The following COG1 variants were observed in gnomAD, a reference collection of about 807,000 sequenced individuals.
COG1 encodes component of oligomeric golgi complex 1, also known as conserved oligomeric Golgi complex subunit 1.
Under a neutral mutation model 102.2 loss-of-function variants are expected in COG1, and 61 were observed. The observed-to-expected ratio is 0.60, with a 90% CI of 0.49 to 0.74. The LOEUF is 0.74. Ranked by LOEUF, COG1 falls within the 30% of genes least tolerant of loss-of-function variation. The pLI is 0.00. For synonymous variants in COG1, 454 were observed against 493.6 expected, an observed-to-expected ratio of 0.92 and a Z score of 1.06; for missense variants, 1,164 against 1,232.1, an observed-to-expected ratio of 0.94 and a Z score of 0.83.
In COG1 at chr17:73,203,009, C is replaced by A; in HGVS notation, c.2083C>A (p.His695Asn). ...WSSAVVKVLI[H>N]GFTQSLLLDD... The stretch of plus-strand genomic sequence containing the variant: ...TGCCTTTTATTACCAGGTTTTGATT[C>A]ATGGATTCACCCAGTCATTACTTCT... Residue 695 changes from histidine to asparagine, a missense_variant, in exon 8 of 14, where the codon CAT (histidine) becomes AAT (asparagine). Physicochemically the swap from His to Asn is moderately conservative, Grantham distance 68. Transcript: ENST00000299886. The A allele has an allele frequency of 6.2e-7, 1 of 1,614,072 alleles. No individual in the cohort carries two copies. Among genetic ancestry groups the A allele is most frequent in the Admixed American group, 1.7e-5 (1 of 60,012 alleles).
Position 73,193,122 on chromosome 17 carries a change from C to T in COG1, c.53C>T (p.Pro18Leu). ...PALKRLDLRDPAALFETHGAE... is the reference protein window; with the variant it reads ...PALKRLDLRDLAALFETHGAE... The stretch of plus-strand genomic sequence containing the variant: ...CTGAAGCGGCTGGATCTGCGCGACC[C>T]TGCGGCTCTTTTCGAGACGCATGGA... The change falls in exon 1 of 14, where the codon CCT (proline) becomes CTT (leucine). Residue 18 changes from proline to leucine, a missense_variant. Transcript: ENST00000299886. The T allele has an allele frequency of 1.9e-6, 3 of 1,611,782 alleles. No individual in the cohort carries two copies. The highest frequency in any genetic ancestry group is 2.5e-6 in the Non-Finnish European group (3 of 1,179,514).
At chr17:73,200,985 A>C (rs2061344582) in intron 6 of COG1, 124 bp from the exon 7 acceptor site, 3 of 1,001,680 alleles carry the variant, frequency 3.0e-6, no homozygotes, top group Non-Finnish European at 4.6e-6. Context: ...CTCTGCCAAC[A>C]CCATGCCATC....
chr17:73,193,443 G>A, intron 1 of COG1, 59 bp downstream of exon 1: 1 of 1,376,190 alleles, frequency 7.3e-7, no homozygotes, highest in Non-Finnish European at 9.3e-7. Context: ...CCCTGGCCTT[G>A]CAGGTCAACC....
At chr17:73,200,323 A>G (rs1292867770) in intron 5 of COG1, among the ~76,000 whole-genome samples, 1 of 152,208 alleles carries the variant, frequency 6.6e-6, no homozygotes, top group East Asian at 1.9e-4. Context: ...GCCATTCCGC[A>G]GGGTCCAGAC....
At position 73,208,454 on chromosome 17, in the gene COG1, T is replaced by C. The variant is rs755132948; in HGVS notation, c.*3T>C. 6.2e-7 allele frequency: 1 copy of C among 1,614,016 alleles called. No individual in the cohort carries two copies. The highest frequency in any genetic ancestry group is 1.7e-5 in the Admixed American group (1 of 60,026). ...GGCTCTCTAGTATGACTAAGTAACA[T>C]GGCAACACATCTGTCTCTCCCTAAA... On this transcript the variant is annotated 3_prime_UTR_variant, in exon 14 of 14. Coordinates refer to ENST00000299886, the MANE Select transcript of COG1 (RefSeq NM_018714.3).
At chr17:73,203,475 G>A in intron 8 of COG1, 157 bp from the exon 9 acceptor site, 1 of 892,900 alleles carries the variant, frequency 1.1e-6, no homozygotes, top group Admixed American at 2.1e-5. Context: ...ACTTAACCAG[G>A]GGCCTTGTGT....
chr17:73,193,282 C>G lies in COG1; in HGVS notation c.213C>G (p.Arg71=), dbSNP rs1430025607. The change falls in exon 1 of 14, where the codon CGC becomes CGG. Residue 71 remains arginine (R), a synonymous_variant. Coordinates refer to ENST00000299886, the MANE Select transcript of COG1 (RefSeq NM_018714.3). ...EAADTIGQMR[R]CAVGLVDAVK... Reference sequence around the variant, plus strand: ...CCGACACCATCGGCCAGATGCGCCGCTGCGCCGTGGGGCTAGTGGACGCCG... The same window carrying G: ...CCGACACCATCGGCCAGATGCGCCGGTGCGCCGTGGGGCTAGTGGACGCCG... The G allele has an allele frequency of 1.2e-6, 2 of 1,602,534 alleles. No homozygotes were observed. Among genetic ancestry groups the G allele is most frequent in the Non-Finnish European group, 1.7e-6 (2 of 1,175,894 alleles).
chr17:73,203,353 T>C (rs1462546755), intron 8 of COG1: 2 of 752,776 alleles, frequency 2.7e-6, no homozygotes, highest in East Asian at 2.7e-5. Context: ...TTTTGTAGCA[T>C]AGGCTCTGTG....
Position 73,201,453 on chromosome 17 carries a change from A to G in COG1, c.1626A>G (p.Ser542=). 1 of 1,614,246 alleles carries G rather than the reference A, an allele frequency of 6.2e-7. No homozygotes were observed. Among genetic ancestry groups the G allele is most frequent in the South Asian group, 1.1e-5 (1 of 91,090 alleles). Residue 542 remains serine, a synonymous_variant, in exon 7 of 14, where the codon TCA becomes TCG. Transcript: ENST00000299886. The part of the protein sequence containing the change: ...LLAYLPSDDS[S]LPKDVSPTQA... ...CTTACCTCCCCTCTGATGACTCATCACTGCCCAAGGACGTTTCTCCCACAC... is the reference window on the plus strand; with the variant it reads ...CTTACCTCCCCTCTGATGACTCATCGCTGCCCAAGGACGTTTCTCCCACAC...
intron 13 of COG1, 95 bp from the exon 14 acceptor site, chr17:73,208,219 G>T: frequency 6.2e-7 from 1 of 1,601,632 alleles, no homozygotes. Context: ...CCGCTTGTGT[G>T]TGCCGTGTGG....
intron 1 of COG1, among the ~76,000 whole-genome samples, chr17:73,196,298 CGT>C (rs1308780724): frequency 6.6e-6 from 1 of 152,132 alleles, no homozygotes; most frequent in Non-Finnish European, 1.5e-5. Context: ...AAAATGCACG[CGT>C]GTGTAGGAAA....
intron 8 of COG1, 185 bp downstream of exon 8, chr17:73,203,331 AC>A: frequency 1.2e-6 from 1 of 810,730 alleles, no homozygotes; most frequent in Non-Finnish European, 2.0e-6. Flanking sequence ...AAGTCAGTTA[AC>A]CATTCTTTCC....
chr17:73,198,205 T>A (rs1350085361), intron 4 of COG1, among the ~76,000 whole-genome samples: 1 of 151,908 alleles, frequency 6.6e-6, no homozygotes, highest in Non-Finnish European at 1.5e-5. Context: ...CGGACGTCTG[T>A]TTAGGAGGAG....
chr17:73,194,224 C>T (rs1161446237), intron 1 of COG1, among the ~76,000 whole-genome samples: 2 of 147,994 alleles, frequency 1.4e-5, no homozygotes, highest in Non-Finnish European at 3.0e-5. Context: ...GGGTGGATCA[C>T]GAGGTCAGGA....
Position 73,207,265 on chromosome 17 carries a change from C to G in COG1, c.2805+9C>G. The G allele has an allele frequency of 6.2e-7, 1 of 1,613,778 alleles. No individual in the cohort carries two copies. Among genetic ancestry groups the G allele is most frequent in the Non-Finnish European group, 8.5e-7 (1 of 1,179,840 alleles). On this transcript the variant is annotated intron_variant, in intron 13 of 13. Coordinates refer to ENST00000299886, the MANE Select transcript of COG1 (RefSeq NM_018714.3). ...TCGAAACAAAAGCTCAGGTTGGTGC[C>G]AAGAGCAAGAGGCTCATCCGTGGAT...
intron 9 of COG1, 44 bp from the exon 10 acceptor site, chr17:73,205,509 A>G (rs764277454): frequency 1.2e-6 from 2 of 1,610,938 alleles, no homozygotes; most frequent in East Asian, 4.5e-5. Context: ...CTCACATACC[A>G]AGTCCTCTCT....
In COG1 at chr17:73,203,141, GCA is replaced by G. The variant is rs1345315226; in HGVS notation, c.2218_2219del (p.Gln740AlafsTer11). 1 of 1,614,146 alleles carries G rather than the reference GCA, an allele frequency of 6.2e-7. No individual in the cohort carries two copies. The highest frequency in any genetic ancestry group is 1.7e-5 in the Admixed American group (1 of 60,022). On this transcript the variant is annotated frameshift_variant, in exon 8 of 14. Transcript: ENST00000299886. LOFTEE classifies it high-confidence loss of function. Reference protein sequence around the residue: ...SSVTSKIRLPAQPSWYVQSFL... With the variant: ...SSVTSKIRLPXQPSWYVQSFL... The stretch of plus-strand genomic sequence containing the variant: ...TGTCACATCCAAGATCCGACTCCCT[GCA>G]CAGGTGAGCAGGGACCATGGGCTGA...
In COG1 at chr17:73,202,725, C is replaced by T. The variant is rs368435757; in HGVS notation, c.2074-275C>T. Among the ~76,000 whole-genome samples, 28 of 152,214 alleles carry T rather than the reference C, an allele frequency of 1.8e-4. 2 individuals are homozygous for T. The South Asian group carries it at 5.6e-3, about 30-fold the overall frequency. The stretch of plus-strand genomic sequence containing the variant: ...ATTGCCTGAGCCTAGGAGGTCGAGG[C>T]TGCAGTGAGCTGTGATTGTGCCACT... On this transcript the variant is annotated intron_variant, in intron 7 of 13. Coordinates refer to ENST00000299886, the MANE Select transcript of COG1 (RefSeq NM_018714.3).
chr17:73,203,096 G>A lies in COG1; in HGVS notation c.2170G>A (p.Glu724Lys), dbSNP rs1196985972. Residue 724 changes from glutamate (E) to lysine (K), a missense_variant, in exon 8 of 14, where the codon GAG becomes AAG. Glu to Lys is a moderately conservative substitution (Grantham distance 56). Coordinates refer to ENST00000299886, the MANE Select transcript of COG1 (RefSeq NM_018714.3). Reference sequence around the variant, plus strand: ...CTGGGATGAGCTAGAAATTCAGGAGGAGGCAGAGTCTGGCAGCAGTGTCAC... The same window carrying A: ...CTGGGATGAGCTAGAAATTCAGGAGAAGGCAGAGTCTGGCAGCAGTGTCAC... ...TSWDELEIQEEAESGSSVTSK... is the reference protein window; with the variant it reads ...TSWDELEIQEKAESGSSVTSK... The A allele has an allele frequency of 6.2e-7, 1 of 1,614,218 alleles. No homozygotes were observed.
Sources: allele counts gnomAD v4.1 joint callset (sites outside exome capture counted in the v4.1 genomes callset), GRCh38; gene constraint gnomAD v4.1.1; transcripts MANE v1.5; gene names NCBI Gene and HGNC (gene_info 2026-07-23, HGNC 2026-07-21).